The following MORC1 variants were observed in gnomAD, a reference collection of about 807,000 sequenced individuals.
MORC1 encodes the protein MORC family CW-type zinc finger 1.
MORC1 carries 59 observed loss-of-function variants against 134.9 expected under a neutral mutation model. That is an observed-to-expected ratio of 0.44 (90% CI 0.35 to 0.54). MORC1 has a LOEUF of 0.54. MORC1 is among the 20% of genes least tolerant of loss of function. The pLI is 0.00. For synonymous variants in MORC1, 395 were observed against 391.7 expected, an observed-to-expected ratio of 1.01 and a Z score of -0.10; for missense variants, 947 against 1,134.5, an observed-to-expected ratio of 0.83 and a Z score of 2.37.
intron 13 of MORC1, among the ~76,000 whole-genome samples, chr3:109,056,483 T>C (rs1475875316): frequency 6.6e-6 from 1 of 152,192 alleles, no homozygotes; most frequent in Non-Finnish European, 1.5e-5. Flanking sequence ...CACCTCGGGC[T>C]CCCAAAGCGC....
chr3:109,022,331 T>C (rs1466479953), intron 17 of MORC1, among the ~76,000 whole-genome samples: 1 of 152,250 alleles, frequency 6.6e-6, no homozygotes, highest in African/African-American at 2.4e-5. Flanking sequence ...ACATTCTTCA[T>C]ACAAAGCTGT....
chr3:109,063,504 G>A (rs1236765677), intron 9 of MORC1, among the ~76,000 whole-genome samples: 1 of 151,948 alleles, frequency 6.6e-6, no homozygotes, highest in African/African-American at 2.4e-5. Flanking sequence ...ATCTAAAATA[G>A]GATAATTTTC....
chr3:109,040,829 CAAAAAAAA>C (rs59122147), intron 14 of MORC1, among the ~76,000 whole-genome samples: 205 of 108,578 alleles, frequency 1.9e-3, no homozygotes, highest in East Asian at 2.2e-3. Flanking sequence ...AACTCTGTGT[CAAAAAAAA>C]AAAAAAAAAA....
chr3:109,040,472 GAAAGAAAGAAAGA>G lies in MORC1; in HGVS notation c.1331-5017_1331-5005del, dbSNP rs1559912761. ...AGAAAGAAAGAAAGAAAGAAAGAAAGAAAGAAAGAAAGAAAGGAAAGAAAAGAAAGGAAGGAAG... is the reference window on the plus strand; with the variant it reads ...AGAAAGAAAGAAAGAAAGAAAGAAAGAAGGAAAGAAAAGAAAGGAAGGAAG... On this transcript the variant is annotated intron_variant, in intron 14 of 27. Coordinates refer to ENST00000232603, the MANE Select transcript of MORC1 (RefSeq NM_014429.4). Among the ~76,000 whole-genome samples, 16 of 144,846 alleles carry G rather than the reference GAAAGAAAGAAAGA, an allele frequency of 1.1e-4. 1 individual carries two copies. Among genetic ancestry groups the G allele is most frequent in the African/African-American group, 3.8e-4 (15 of 39,104 alleles).
chr3:108,986,261 GTAA>G (rs1190335640), intron 22 of MORC1, among the ~76,000 whole-genome samples: 1 of 152,062 alleles, frequency 6.6e-6, no homozygotes. Flanking sequence ...AAAAATTACA[GTAA>G]TAATAATGAG....
rs112362249 is a variant in MORC1, at chr3:109,083,497, G to T, written c.689+9939C>A. Among the ~76,000 whole-genome samples, 68 of 152,200 alleles carry T rather than the reference G, an allele frequency of 4.5e-4. 2 individuals carry two copies. The East Asian group carries it at 7.9e-3, about 18-fold the overall frequency. On this transcript the variant is annotated intron_variant, in intron 8 of 27. Coordinates refer to ENST00000232603, the MANE Select transcript of MORC1 (RefSeq NM_014429.4). ...AAGAGATAGTAATATAGTGCTGGGC[G>T]CAGTGGCTCACGCCTGTAATAAGAA...
intron 21 of MORC1, among the ~76,000 whole-genome samples, chr3:108,998,520 C>T (rs1384733128): frequency 6.6e-6 from 1 of 152,080 alleles, no homozygotes; most frequent in Non-Finnish European, 1.5e-5. Context: ...CCACCATTAG[C>T]ACTGAGTGCC....
At chr3:109,037,525 T>C (rs1281111713) in intron 14 of MORC1, among the ~76,000 whole-genome samples, 2 of 152,200 alleles carry the variant, frequency 1.3e-5, no homozygotes, top group Non-Finnish European at 2.9e-5. Flanking sequence ...ATGTGCCATG[T>C]TGGTTTGCTG....
intron 17 of MORC1, among the ~76,000 whole-genome samples, chr3:109,021,199 C>T (rs546627434): frequency 4.2e-4 from 64 of 152,316 alleles, no homozygotes; most frequent in Non-Finnish European, 5.4e-4. Context: ...GCCAGACAGC[C>T]TCTGATAGTC....
At chr3:108,991,283 C>T (rs1366098269) in intron 21 of MORC1, among the ~76,000 whole-genome samples, 2 of 152,106 alleles carry the variant, frequency 1.3e-5, no homozygotes, top group East Asian at 1.9e-4. Flanking sequence ...ATAGGAGTAC[C>T]GCTGTAGTCC....
rs1458541857 is a variant in MORC1 at position 108,974,816 on chromosome 3, A to G, written c.2478-3414T>C. Among the ~76,000 whole-genome samples the G allele has an allele frequency of 3.9e-5, 6 of 152,234 alleles. No individual in the cohort carries two copies. In the East Asian group the frequency reaches 1.2e-3, roughly 29 times the overall value. ...TAAATATCTTAAAGATATCTTCCAAAGTTGTTACTTTCATTCAGAATCTTG... is the reference window on the plus strand; with the variant it reads ...TAAATATCTTAAAGATATCTTCCAAGGTTGTTACTTTCATTCAGAATCTTG... On this transcript the variant is annotated intron_variant, in intron 24 of 27. Transcript: ENST00000232603.
intron 14 of MORC1, among the ~76,000 whole-genome samples, chr3:109,054,383 A>G (rs540992968): frequency 6.6e-6 from 1 of 152,242 alleles, no homozygotes; most frequent in East Asian, 1.9e-4. Flanking sequence ...TAAGGTCTGC[A>G]TGGGACTATG....
chr3:109,052,113 T>A (rs1949844868), intron 14 of MORC1, among the ~76,000 whole-genome samples: 1 of 152,204 alleles, frequency 6.6e-6, no homozygotes, highest in Non-Finnish European at 1.5e-5. Flanking sequence ...TTGTACCATG[T>A]CATACTAGCA....
intron 11 of MORC1, among the ~76,000 whole-genome samples, chr3:109,061,305 C>T (rs1950077963): frequency 6.6e-6 from 1 of 152,040 alleles, no homozygotes; most frequent in Admixed American, 6.6e-5. Flanking sequence ...AGCTTCATAC[C>T]ATATTTTTGG....
chr3:109,083,505 T>C (rs1950561722), intron 8 of MORC1, among the ~76,000 whole-genome samples: 1 of 152,154 alleles, frequency 6.6e-6, no homozygotes, highest in Admixed American at 6.6e-5. Context: ...GCGCAGTGGC[T>C]CACGCCTGTA....
At chr3:109,066,637 C>A (rs1950202144) in intron 9 of MORC1, among the ~76,000 whole-genome samples, 1 of 152,188 alleles carries the variant, frequency 6.6e-6, no homozygotes, top group South Asian at 2.1e-4. Flanking sequence ...TACAAGACAG[C>A]CTTGCACATA....
chr3:109,112,546 G>A (rs770115304), intron 2 of MORC1, among the ~76,000 whole-genome samples: 21 of 152,182 alleles, frequency 1.4e-4, no homozygotes, highest in Non-Finnish European at 2.5e-4. Context: ...GGACTGAAGG[G>A]TTGAGGCTGT....
rs1212941677 is a variant in MORC1, at chr3:108,963,476, A to C, written c.2737T>G (p.Ser913Ala). 6.2e-7 allele frequency: 1 copy of C among 1,612,540 alleles called. No individual in the cohort carries two copies. The highest frequency in any genetic ancestry group is 1.7e-5 in the Admixed American group (1 of 59,820). The change falls in exon 27 of 28, where the codon TCT becomes GCT. Residue 913 changes from serine to alanine, a missense_variant. Transcript: ENST00000232603. ...CGAAGATTCTTCAGCTTATCCTCAG[A>C]GATTTTTCTTTTATTTTCACATTGC... is the stretch of plus-strand genomic sequence containing the variant. ...LGQCENKRKISEDKLKNLRIK... is the reference protein window; with the variant it reads ...LGQCENKRKIAEDKLKNLRIK...
At chr3:108,969,289 T>C (rs1195690517) in intron 26 of MORC1, among the ~76,000 whole-genome samples, 2 of 152,210 alleles carry the variant, frequency 1.3e-5, no homozygotes, top group African/African-American at 4.8e-5. Flanking sequence ...ACTTAAAAAC[T>C]ATTGATAAGG....
Sources: gnomAD v4.1 joint callset for allele counts (sites outside exome capture counted in the v4.1 genomes callset) on GRCh38, gnomAD v4.1.1 for gene constraint, MANE v1.5 for transcripts, NCBI Gene and HGNC (gene_info 2026-07-23, HGNC 2026-07-21) for gene names.